UNC93A: variants seen among roughly 807,000 people sequenced by gnomAD.
The protein encoded by UNC93A is unc-93 homolog A.
A neutral mutation model predicts 47.5 loss-of-function variants in UNC93A; 43 were observed. That is an observed-to-expected ratio of 0.91 (90% confidence interval 0.71 to 1.17). The LOEUF (loss-of-function observed/expected upper bound fraction) is 1.17, where lower values mean the gene tolerates loss of function less well. Ranked by LOEUF, UNC93A falls within the 50% of genes most tolerant of loss-of-function variation. The pLI, the probability that UNC93A is intolerant of heterozygous loss-of-function variation, is 0.00. For missense variants in UNC93A, 605 were observed against 577.6 expected, an observed-to-expected ratio of 1.05 and a Z score of -0.49; for synonymous variants, 280 against 258.0, an observed-to-expected ratio of 1.09 and a Z score of -0.82.
Position 167,294,708 on chromosome 6 carries a change from C to T in UNC93A, c.269+10C>T. Reference sequence around the variant, plus strand: ...ACTTCTTCGCCAGCTGGTACGCAGCCACCACCCCCTGCCCACCCCACCCCG... The same window carrying T: ...ACTTCTTCGCCAGCTGGTACGCAGCTACCACCCCCTGCCCACCCCACCCCG... On this transcript the variant is annotated intron_variant, in intron 2 of 7. Transcript: ENST00000230256. 1.3e-6 allele frequency: 2 copies of T among 1,580,142 alleles called. No individual in the cohort carries two copies. The highest frequency in any genetic ancestry group is 1.7e-6 in the Non-Finnish European group (2 of 1,159,088).
chr6:167,295,415 C>CGCCTCCCTCGTGATCCTCG (rs1269151814), intron 2 of UNC93A, among the ~76,000 whole-genome samples: 5 of 145,100 alleles, frequency 3.4e-5, no homozygotes, highest in Admixed American at 3.3e-4. Flanking sequence ...TCGTGCTCCT[C>CGCCTCCCTCGTGATCCTCG]GCCTCCCTCG....
At position 167,305,994 on chromosome 6, in the gene UNC93A, C is replaced by T. The variant is rs763675326; in HGVS notation, c.920C>T (p.Ser307Phe). 1 of 1,614,186 alleles carries T rather than the reference C, an allele frequency of 6.2e-7. No homozygotes were observed. The highest frequency in any genetic ancestry group is 1.1e-5 in the South Asian group (1 of 91,088). ...TTCTCGGCCACTGACGCGCTGTGCT[C>T]CGTGTTGTATGGAAAGGTCTCGCAG... ...ICFSATDALC[S>F]VLYGKVSQYT... The change falls in exon 6 of 8, where the codon TCC becomes TTC. Residue 307 changes from serine (S) to phenylalanine (F), a missense_variant. Physicochemically the swap from Ser to Phe is radical, Grantham distance 155 (BLOSUM62 -2). Coordinates refer to ENST00000230256, the MANE Select transcript of UNC93A (RefSeq NM_018974.4).
intron 1 of UNC93A, among the ~76,000 whole-genome samples, chr6:167,272,407 C>T (rs534149835): frequency 1.3e-5 from 2 of 152,304 alleles, no homozygotes; most frequent in Admixed American, 1.3e-4. Flanking sequence ...AGCATTAGGC[C>T]TAGCAAGGGG....
intron 1 of UNC93A, among the ~76,000 whole-genome samples, chr6:167,280,911 A>C (rs1783621224): frequency 6.6e-6 from 1 of 152,140 alleles, no homozygotes; most frequent in Non-Finnish European, 1.5e-5. Context: ...AAGGAGTACA[A>C]ATTTATCTCT....
chr6:167,286,807 G>GT (rs1457234678), upstream of UNC93A, among the ~76,000 whole-genome samples: 4 of 151,774 alleles, frequency 2.6e-5, no homozygotes, highest in Non-Finnish European at 5.9e-5. Flanking sequence ...GTGAAACCCC[G>GT]TCTCTACTGA....
Position 167,296,230 on chromosome 6 carries a change from A to G in UNC93A, c.468A>G (p.Ser156=). The G allele has an allele frequency of 1.9e-6, 3 of 1,606,796 alleles. No individual in the cohort carries two copies. The highest frequency in any genetic ancestry group is 2.6e-6 in the Non-Finnish European group (3 of 1,173,276). Residue 156 remains serine, a synonymous_variant, in exon 3 of 8, where the codon TCA becomes TCG. Coordinates refer to ENST00000230256, the MANE Select transcript of UNC93A (RefSeq NM_018974.4). The part of the protein sequence containing the change: ...QSSGVWGNLI[S]SLVFGQTPSQ... ...CCGGTGTGTGGGGCAACTTGATCTC[A>G]TCGCTGGTATTTGGCCAGACTCCCA...
intron 4 of UNC93A, among the ~76,000 whole-genome samples, chr6:167,301,544 T>G (rs1375431512): frequency 3.9e-5 from 6 of 152,196 alleles, no homozygotes; most frequent in Non-Finnish European, 8.8e-5. Context: ...AGAGCCATTC[T>G]CTTTAGAATT....
intron 1 of UNC93A, among the ~76,000 whole-genome samples, chr6:167,274,364 C>T (rs1013361049): frequency 1.6e-4 from 25 of 152,164 alleles, no homozygotes; most frequent in Admixed American, 1.2e-3. Context: ...ACGTATTCCA[C>T]GTTCGGTCCG....
Position 167,273,536 on chromosome 6 carries a change from A to G in UNC93A, c.-52+2078A>G, listed in dbSNP as rs533701055. Among the ~76,000 whole-genome samples the G allele has an allele frequency of 9.7e-4, 148 of 152,318 alleles. 1 individual carries two copies. The highest frequency in any genetic ancestry group is 3.2e-3 in the African/African-American group (135 of 41,544). On this transcript the variant is annotated intron_variant, in intron 1 of 3. Coordinates refer to the UNC93A transcript ENST00000503433. Reference sequence around the variant, plus strand: ...GACATTTTAAAAAGTTGTCTATAAAAAGAGCCAAACTCTGTAAAATATTGG... The same window carrying G: ...GACATTTTAAAAAGTTGTCTATAAAGAGAGCCAAACTCTGTAAAATATTGG...
intron 3 of UNC93A, among the ~76,000 whole-genome samples, chr6:167,297,433 T>G (rs1325347436): frequency 6.6e-6 from 1 of 152,220 alleles, no homozygotes; most frequent in Non-Finnish European, 1.5e-5. Context: ...TGACAGGACT[T>G]CTGACTGAGA....
intron 1 of UNC93A, among the ~76,000 whole-genome samples, chr6:167,292,919 G>C (rs1783873786): frequency 6.6e-6 from 1 of 152,054 alleles, no homozygotes; most frequent in South Asian, 2.1e-4. Context: ...GGAACCGACA[G>C]CTCCCCTGGG....
At position 167,303,936 on chromosome 6, in the gene UNC93A, G is replaced by A; in HGVS notation, c.643G>A (p.Val215Ile). ...GIYTGSGVLAVLMIAAFLQPI... is the reference protein window; with the variant it reads ...GIYTGSGVLAILMIAAFLQPI... ...CCTTTCAGGGAGTGGTGTCCTGGCT[G>A]TCCTGATGATAGCTGCGTTCCTCCA... The change falls in exon 5 of 8, where the codon GTC becomes ATC. Residue 215 changes from valine (V) to isoleucine (I), a missense_variant. Coordinates refer to ENST00000230256, the MANE Select transcript of UNC93A (RefSeq NM_018974.4). 1.2e-6 allele frequency: 2 copies of A among 1,613,814 alleles called. No individual in the cohort carries two copies. Among genetic ancestry groups the A allele is most frequent in the Non-Finnish European group, 1.7e-6 (2 of 1,179,980 alleles).
In UNC93A at chr6:167,315,402, C is replaced by T. The variant is rs1384471377; in HGVS notation, c.1324C>T (p.Pro442Ser). The change falls in exon 8 of 8, where the codon CCA becomes TCA. Residue 442 changes from proline (P) to serine (S), a missense_variant. Transcript: ENST00000230256. ...CAAGAACCCGATCAGACCCCACGCT[C>T]CAGGACAGGTCAACCAGGCAGAGGA... ...ESKNPIRPHA[P>S]GQVNQAEDEE... 9 of 1,613,828 alleles carry T rather than the reference C, an allele frequency of 5.6e-6. No individual in the cohort carries two copies. The highest frequency in any genetic ancestry group is 1.7e-5 in the Admixed American group (1 of 60,008).
intron 4 of UNC93A, 129 bp from the exon 5 acceptor site, chr6:167,303,790 G>A (rs1417731754): frequency 4.9e-6 from 4 of 824,534 alleles, no homozygotes; most frequent in South Asian, 1.7e-5. Context: ...TGTGTCTAAT[G>A]TCGCCTGAAA....
chr6:167,284,072 C>A (rs1783679610), intron 1 of UNC93A, among the ~76,000 whole-genome samples: 1 of 152,184 alleles, frequency 6.6e-6, no homozygotes, highest in African/African-American at 2.4e-5. Flanking sequence ...TGAATGCAAA[C>A]AAGTGCGAAA....
chr6:167,305,789 A>T (rs1254845525), intron 5 of UNC93A, 126 bp from the exon 6 acceptor site: 4 of 1,291,498 alleles, frequency 3.1e-6, no homozygotes, highest in Admixed American at 3.6e-5. Context: ...GCCTAGAGGA[A>T]GGTGTAGGCA....
upstream of UNC93A, among the ~76,000 whole-genome samples, chr6:167,269,098 T>A (rs1316660755): frequency 6.6e-6 from 1 of 152,006 alleles, no homozygotes; most frequent in Admixed American, 6.5e-5. Context: ...GAGAGAGGAA[T>A]GTGTGGGCAG....
chr6:167,309,670 G>T (rs923174766), intron 7 of UNC93A, among the ~76,000 whole-genome samples: 25 of 152,310 alleles, frequency 1.6e-4, no homozygotes, highest in African/African-American at 6.0e-4. Flanking sequence ...CTGCACTGAG[G>T]ATAAAGAGCA....
rs663606 is a variant in UNC93A at position 167,315,286 on chromosome 6, T to G, written c.1208T>G (p.Met403Arg). 8.7e-6 allele frequency: 14 copies of G among 1,609,664 alleles called. No homozygotes were observed. The highest frequency in any genetic ancestry group is 1.0e-5 in the Non-Finnish European group (12 of 1,177,088). ...LGFVIAFGYS[M>R]FLCVHVKLYI... ...TTCGTCATTGCCTTCGGGTACAGCA[T>G]GTTTTTGTGCGTGCACGTCAAGCTC... Residue 403 changes from methionine to arginine, a missense_variant, in exon 8 of 8, where the codon ATG (methionine) becomes AGG (arginine). By Grantham distance (91) the Met-to-Arg change is moderately conservative (BLOSUM62 -1). Transcript: ENST00000230256.
Sources: gnomAD v4.1 joint callset for allele counts (sites outside exome capture counted in the v4.1 genomes callset) on GRCh38, gnomAD v4.1.1 for gene constraint, MANE v1.5 for transcripts, NCBI Gene and HGNC (gene_info 2026-07-23, HGNC 2026-07-21) for gene names.